Variants in COLEC12 observed in about 807,000 individuals in gnomAD.
The protein encoded by COLEC12 is collectin-12.
Under a neutral mutation model 71.1 loss-of-function variants are expected in COLEC12, and 33 were observed. That is an observed-to-expected ratio of 0.46 (90% confidence interval 0.35 to 0.62). The LOEUF is 0.62. Ranked by LOEUF, COLEC12 falls within the 20% of genes least tolerant of loss-of-function variation. The pLI, the probability that COLEC12 is intolerant of heterozygous loss-of-function variation, is 0.00. For missense variants in COLEC12, 765 were observed against 916.1 expected (o/e 0.84, Z 2.13); for synonymous variants, 350 against 353.0 (o/e 0.99, Z 0.10).
At chr18:354,322 C>T (rs1343497254) in intron 3 of COLEC12, among the ~76,000 whole-genome samples, 2 of 152,218 alleles carry the variant, frequency 1.3e-5, no homozygotes, top group African/African-American at 4.8e-5. Flanking sequence ...GATTCTCTGG[C>T]TTCTTCAGCA....
intron 3 of COLEC12, among the ~76,000 whole-genome samples, chr18:348,719 T>C (rs1209779181): frequency 1.3e-5 from 2 of 152,178 alleles, no homozygotes; most frequent in Non-Finnish European, 2.9e-5. Flanking sequence ...GCCCTGAAAA[T>C]CTGCTTTTTG....
chr18:434,977 G>A (rs1027345221), intron 2 of COLEC12, among the ~76,000 whole-genome samples: 2 of 152,140 alleles, frequency 1.3e-5, no homozygotes, highest in Non-Finnish European at 2.9e-5. Flanking sequence ...CTTGGAATAT[G>A]CATCCTTTCA....
chr18:421,213 C>T (rs967168568), intron 2 of COLEC12, among the ~76,000 whole-genome samples: 2 of 152,196 alleles, frequency 1.3e-5, no homozygotes, highest in Non-Finnish European at 2.9e-5. Flanking sequence ...AATCTCCTTG[C>T]CTGGTGATAT....
chr18:382,018 C>T lies in COLEC12; in HGVS notation c.59-24496G>A, dbSNP rs146167804. ...CTTACAGACTTAAAAAAAAGACTTA[C>T]TGCAACCATGGGGGAGACAGAAGCA... On this transcript the variant is annotated intron_variant, in intron 2 of 9. Coordinates refer to ENST00000400256, the MANE Select transcript of COLEC12 (RefSeq NM_130386.3). Among the ~76,000 whole-genome samples, 8 of 150,084 alleles carry T rather than the reference C, an allele frequency of 5.3e-5. No individual in the cohort carries two copies. In the East Asian group the frequency reaches 1.4e-3, roughly 26 times the overall value.
intron 1 of COLEC12, among the ~76,000 whole-genome samples, chr18:484,096 T>G (rs1917475712): frequency 6.6e-6 from 1 of 152,218 alleles, no homozygotes; most frequent in Non-Finnish European, 1.5e-5. Context: ...ACATGTCTAT[T>G]CTCCCCCAAA....
chr18:405,916 C>G (rs560605928), intron 2 of COLEC12, among the ~76,000 whole-genome samples: 2 of 152,204 alleles, frequency 1.3e-5, no homozygotes, highest in African/African-American at 4.8e-5. Flanking sequence ...ACCTACTGGG[C>G]TGCATTCCTG....
chr18:428,623 T>C (rs1431567960), intron 2 of COLEC12, among the ~76,000 whole-genome samples: 1 of 152,210 alleles, frequency 6.6e-6, no homozygotes, highest in Non-Finnish European at 1.5e-5. Context: ...AGAATTACTT[T>C]AAATAAGGTA....
chr18:410,336 G>C (rs189238751), intron 2 of COLEC12, among the ~76,000 whole-genome samples: 1 of 152,212 alleles, frequency 6.6e-6, no homozygotes, highest in East Asian at 1.9e-4. Context: ...CTAAAATCCT[G>C]ACATCAGATA....
chr18:479,254 G>A (rs1002178728), intron 2 of COLEC12, among the ~76,000 whole-genome samples: 7 of 152,140 alleles, frequency 4.6e-5, no homozygotes, highest in South Asian at 4.1e-4. Flanking sequence ...ACATGGAATC[G>A]TGTAGATGGG....
chr18:392,062 G>A (rs1301176296), intron 2 of COLEC12, among the ~76,000 whole-genome samples: 2 of 152,166 alleles, frequency 1.3e-5, no homozygotes, highest in South Asian at 2.1e-4. Flanking sequence ...TGTATACCTG[G>A]GGCCATTCAT....
intron 1 of COLEC12, among the ~76,000 whole-genome samples, chr18:497,408 G>GTGTGTGTGTGTGTGTGTGTGTGTT (rs1917734093): frequency 7.6e-6 from 1 of 131,712 alleles, no homozygotes; most frequent in Non-Finnish European, 1.6e-5. Context: ...GTGTGTGTGT[G>GTGTGTGTGTGTGTGTGTGTGTGTT]TGTGTGTGTG....
chr18:360,788 C>T (rs757698029), intron 2 of COLEC12, among the ~76,000 whole-genome samples: 5 of 152,132 alleles, frequency 3.3e-5, no homozygotes, highest in Non-Finnish European at 5.9e-5. Context: ...GAAGGTGAAG[C>T]TTGTAAAATT....
Position 468,418 on chromosome 18 carries a change from C to T in COLEC12, c.58+12289G>A, listed in dbSNP as rs62090017. 9.8e-3 allele frequency among the ~76,000 whole-genome samples: 1,485 copies of T among 152,116 alleles called. 10 individuals carry two copies. Among genetic ancestry groups the T allele is most frequent in the Middle Eastern group, 0.02 (6 of 294 alleles). ...TTTTGCAGAAGGGCTTATTTGAGAC[C>T]CAGAGAGTTTATATCATTTTGCAAA... On this transcript the variant is annotated intron_variant, in intron 2 of 9. Coordinates refer to ENST00000400256, the MANE Select transcript of COLEC12 (RefSeq NM_130386.3).
intron 1 of COLEC12, among the ~76,000 whole-genome samples, chr18:495,631 C>A (rs541006313): frequency 7.2e-5 from 11 of 152,184 alleles, no homozygotes; most frequent in Non-Finnish European, 1.6e-4. Context: ...ATCCTTCAGA[C>A]CTTTGATGCT....
chr18:368,790 C>A (rs182497954), intron 2 of COLEC12, among the ~76,000 whole-genome samples: 1 of 151,948 alleles, frequency 6.6e-6, no homozygotes, highest in East Asian at 1.9e-4. Flanking sequence ...GGCGTGAACC[C>A]GGGAGGCGGA....
chr18:379,243 C>T (rs1915180338), intron 2 of COLEC12, among the ~76,000 whole-genome samples: 1 of 152,056 alleles, frequency 6.6e-6, no homozygotes, highest in African/African-American at 2.4e-5. Context: ...CCACCTCAGC[C>T]TCCCAAGTAG....
intron 2 of COLEC12, among the ~76,000 whole-genome samples, chr18:456,618 C>T (rs1037713381): frequency 6.6e-6 from 1 of 152,234 alleles, no homozygotes; most frequent in Non-Finnish European, 1.5e-5. Context: ...GGGTTAAATG[C>T]TCTTGCAGCT....
At chr18:337,930 A>G (rs2143448115) in intron 5 of COLEC12, among the ~76,000 whole-genome samples, 1 of 152,084 alleles carries the variant, frequency 6.6e-6, no homozygotes, top group Admixed American at 6.5e-5. Flanking sequence ...TCTTTTTTGG[A>G]AGGTGTTCAC....
intron 2 of COLEC12, among the ~76,000 whole-genome samples, chr18:371,429 C>A (rs1469481858): frequency 1.3e-5 from 2 of 152,134 alleles, no homozygotes; most frequent in Non-Finnish European, 2.9e-5. Flanking sequence ...AGACACGCCG[C>A]AACTGGGCAC....
Sources: allele counts gnomAD v4.1 joint callset (sites outside exome capture counted in the v4.1 genomes callset), GRCh38; gene constraint gnomAD v4.1.1; transcripts MANE v1.5; gene names NCBI Gene and HGNC (gene_info 2026-07-23, HGNC 2026-07-21).